Variants in TGFBR1 observed in about 807,000 individuals in gnomAD.
TGFBR1 encodes the protein TGF-beta receptor type-1.
TGFBR1 carries 20 observed loss-of-function variants against 55.1 expected under a neutral mutation model. The observed-to-expected ratio is 0.36, with a 90% confidence interval of 0.26 to 0.53. TGFBR1 has a LOEUF of 0.53. Ranked by LOEUF, TGFBR1 falls within the 20% of genes least tolerant of loss-of-function variation. The pLI, the probability that TGFBR1 is intolerant of heterozygous loss-of-function variation, is 0.91. For missense variants in TGFBR1, 385 were observed against 617.6 expected, an observed-to-expected ratio of 0.62 and a Z score of 3.99; for synonymous variants, 220 against 214.8, an observed-to-expected ratio of 1.02 and a Z score of -0.21.
intron 3 of TGFBR1, among the ~76,000 whole-genome samples, chr9:99,134,045 A>G (rs1387005901): frequency 6.6e-6 from 1 of 151,992 alleles, no homozygotes; most frequent in East Asian, 1.9e-4. Context: ...ATTGAGTGAT[A>G]TTAAAGGAAT....
chr9:99,153,677 T>C lies in TGFBR1; in HGVS notation c.*4372T>C, dbSNP rs201836319. 5 of 198,486 alleles carry C rather than the reference T, an allele frequency of 2.5e-5. No individual in the cohort carries two copies. The highest frequency in any genetic ancestry group is 1.9e-4 in the South Asian group (1 of 5,234). The allele number at this position is 198,486 out of a possible 1,614,324, so 12.3% of individuals were successfully genotyped here. On this transcript the variant is annotated 3_prime_UTR_variant, in exon 9 of 9. Coordinates refer to ENST00000374994, the MANE Select transcript of TGFBR1 (RefSeq NM_004612.4). Reference sequence around the variant, plus strand: ...GCCAGTGGCATATTTTAAAATAAAGTGTATACGTTGGAATGAGTCATGCCA... The same window carrying C: ...GCCAGTGGCATATTTTAAAATAAAGCGTATACGTTGGAATGAGTCATGCCA...
At chr9:99,144,612 G>A (rs2118802266) in intron 5 of TGFBR1, 120 bp from the exon 6 acceptor site, 6 of 1,094,698 alleles carry the variant, frequency 5.5e-6, no homozygotes, top group Non-Finnish European at 8.3e-6. Flanking sequence ...AGTATTGTAG[G>A]TCATGTGGGC....
In TGFBR1 at chr9:99,153,871, G is replaced by A. The variant is rs999332596; in HGVS notation, c.*4566G>A. On this transcript the variant is annotated 3_prime_UTR_variant, in exon 9 of 9. Coordinates refer to ENST00000374994, the MANE Select transcript of TGFBR1 (RefSeq NM_004612.4). ...GGCTTTTCTCCACATGCTTAGGGGT[G>A]TGGGTCTTCCATTGGGGCATGATGG... The A allele has an allele frequency of 2.8e-5, 6 of 213,352 alleles. No homozygotes were observed. Among genetic ancestry groups the A allele is most frequent in the Non-Finnish European group, 4.7e-5 (5 of 105,406 alleles). The allele number at this position is 213,352 out of a possible 1,614,324, so 13.2% of individuals were successfully genotyped here.
In TGFBR1 at chr9:99,105,114, G is replaced by A. The variant is rs898170338; in HGVS notation, c.-92G>A. ...AAAGGGCCGGAGCGAGGCCGCCGCG[G>A]CGGCTAGGGAGGTGGGGCGAGGCGA... On this transcript the variant is annotated 5_prime_UTR_variant, in exon 1 of 9. Transcript: ENST00000374994. The A allele has an allele frequency of 3.5e-5, 35 of 985,966 alleles. No homozygotes were observed. Among genetic ancestry groups the A allele is most frequent in the Middle Eastern group, 4.6e-4 (1 of 2,178 alleles). 61.1% of individuals were successfully genotyped at this position (985,966 alleles called of 1,614,324 possible).
At chr9:99,135,852 C>CTTTTTT (rs397954803) in intron 3 of TGFBR1, among the ~76,000 whole-genome samples, 3 of 125,968 alleles carry the variant, frequency 2.4e-5, no homozygotes, top group Non-Finnish European at 5.0e-5. Flanking sequence ...AAAATTGTTA[C>CTTTTTT]TTTTTTTTTT....
intron 1 of TGFBR1, chr9:99,128,551 G>C (rs1411209238): frequency 4.6e-6 from 2 of 433,080 alleles, no homozygotes; most frequent in African/African-American, 4.1e-5. Flanking sequence ...GAAGGCAAAT[G>C]CTTGCCTTGC....
intron 7 of TGFBR1, among the ~76,000 whole-genome samples, 179 bp downstream of exon 7, chr9:99,146,788 C>T (rs1164082790): frequency 6.6e-6 from 1 of 152,188 alleles, no homozygotes; most frequent in African/African-American, 2.4e-5. Flanking sequence ...ATGGTGTGCA[C>T]ATGCACAGCT....
chr9:99,105,430 C>T (rs542954487), intron 1 of TGFBR1, 128 bp downstream of exon 1: 1 of 837,724 alleles, frequency 1.2e-6, no homozygotes, highest in South Asian at 5.2e-5. Context: ...GGGGCCCGGG[C>T]CGGGCTCTCG....
intron 3 of TGFBR1, among the ~76,000 whole-genome samples, chr9:99,133,361 G>T (rs1473986114): frequency 6.6e-6 from 1 of 152,090 alleles, no homozygotes; most frequent in South Asian, 2.1e-4. Context: ...AGTTCTATTT[G>T]TTGATATTTG....
At position 99,152,427 on chromosome 9, in the gene TGFBR1, A is replaced by G. The variant is rs898247268; in HGVS notation, c.*3122A>G. The G allele has an allele frequency of 1.3e-5, 3 of 228,910 alleles. No homozygotes were observed. Among genetic ancestry groups the G allele is most frequent in the African/African-American group, 6.7e-5 (3 of 45,060 alleles). 14.2% of individuals were successfully genotyped at this position (228,910 alleles called of 1,614,324 possible). A position where few individuals can be genotyped will look rare whatever the true frequency, so the allele number is the denominator to read the frequency against. The stretch of plus-strand genomic sequence containing the variant: ...TCTGCTGTAATAATGATAGTGCTCA[A>G]GAAGTGCCTTGAGTTGGTGTACAGT... On this transcript the variant is annotated 3_prime_UTR_variant, in exon 9 of 9. Coordinates refer to ENST00000374994, the MANE Select transcript of TGFBR1 (RefSeq NM_004612.4).
At chr9:99,106,763 G>A (rs905842064) in intron 1 of TGFBR1, among the ~76,000 whole-genome samples, 21 of 151,996 alleles carry the variant, frequency 1.4e-4, no homozygotes, top group African/African-American at 5.1e-4. Flanking sequence ...TTCTTCAGTC[G>A]TCTGATGAGC....
intron 3 of TGFBR1, among the ~76,000 whole-genome samples, chr9:99,134,802 T>TTTTATATA (rs1554700023): frequency 0.011 from 439 of 41,352 alleles, 26 homozygotes; most frequent in Middle Eastern, 0.016. Context: ...TCTGTTTCCA[T>TTTTATATA]TATATATATA....
intron 1 of TGFBR1, among the ~76,000 whole-genome samples, chr9:99,113,694 A>C (rs1344198635): frequency 6.6e-6 from 1 of 152,194 alleles, no homozygotes; most frequent in Non-Finnish European, 1.5e-5. Flanking sequence ...ATAAAGGGGA[A>C]TTATTATATA....
rs149753313 is a variant in TGFBR1, at chr9:99,129,593, T to C, written c.343+493T>C. Among the ~76,000 whole-genome samples the C allele has an allele frequency of 3.0e-3, 454 of 152,298 alleles. 7 individuals carry two copies. In the East Asian group the frequency reaches 0.044, roughly 15 times the overall value. On this transcript the variant is annotated intron_variant, in intron 2 of 8. Coordinates refer to ENST00000374994, the MANE Select transcript of TGFBR1 (RefSeq NM_004612.4). ...TTCTAGATTTTTGGTCCTTCACCTG[T>C]AGTTTACATTTAAAATTTCCTGGGG...
At chr9:99,123,844 C>T (rs1381415923) in intron 1 of TGFBR1, among the ~76,000 whole-genome samples, 1 of 152,122 alleles carries the variant, frequency 6.6e-6, no homozygotes, top group Non-Finnish European at 1.5e-5. Flanking sequence ...GGCACAATGC[C>T]ATTTATCATA....
intron 7 of TGFBR1, 110 bp downstream of exon 7, chr9:99,146,719 GA>G: frequency 6.5e-7 from 1 of 1,534,170 alleles, no homozygotes; most frequent in South Asian, 1.1e-5. Flanking sequence ...TCTGAAACAG[GA>G]TGTCACCGAG....
At chr9:99,114,229 T>A (rs1259968803) in intron 1 of TGFBR1, among the ~76,000 whole-genome samples, 1 of 152,036 alleles carries the variant, frequency 6.6e-6, no homozygotes, top group Non-Finnish European at 1.5e-5. Context: ...CCACAAAAGA[T>A]AAGAATCAGT....
At chr9:99,136,292 C>T (rs903694049) in intron 3 of TGFBR1, among the ~76,000 whole-genome samples, 1 of 152,196 alleles carries the variant, frequency 6.6e-6, no homozygotes, top group Non-Finnish European at 1.5e-5. Flanking sequence ...AACCTTTCCT[C>T]GTCCTGTTGG....
chr9:99,134,807 T>TC (rs1827374342), intron 3 of TGFBR1, among the ~76,000 whole-genome samples: 6 of 10,832 alleles, frequency 5.5e-4, no homozygotes, highest in African/African-American at 2.5e-3. Context: ...TTCCATTATA[T>TC]ATATATATAT....
Sources: gnomAD v4.1 joint callset for allele counts (sites outside exome capture counted in the v4.1 genomes callset) on GRCh38, gnomAD v4.1.1 for gene constraint, MANE v1.5 for transcripts, NCBI Gene and HGNC (gene_info 2026-07-23, HGNC 2026-07-21) for gene names.